Variants in SPATA22 observed in about 807,000 individuals in gnomAD.
The protein encoded by SPATA22 is spermatogenesis-associated protein 22.
A neutral mutation model predicts 47.8 loss-of-function variants in SPATA22; 29 were observed. The ratio of observed to expected loss-of-function variants is 0.61; its 90% CI spans 0.45 to 0.83. The LOEUF is 0.83. Among genes scored for constraint, SPATA22 ranks in the 40% least tolerant of loss-of-function variants. The pLI is 0.00. For synonymous variants in SPATA22, 133 were observed against 140.9 expected, an observed-to-expected ratio of 0.94 and a Z score of 0.40; for missense variants, 410 against 421.7, an observed-to-expected ratio of 0.97 and a Z score of 0.24.
At chr17:3,462,841 T>A in intron 3 of SPATA22, 74 bp from the exon 4 acceptor site, 1 of 1,196,642 alleles carries the variant, frequency 8.4e-7, no homozygotes, top group Non-Finnish European at 1.2e-6. Context: ...CATACTTATT[T>A]AATTTGGAGG....
chr17:3,456,456 G>C (rs1170562597), intron 5 of SPATA22, among the ~76,000 whole-genome samples: 1 of 145,692 alleles, frequency 6.9e-6, no homozygotes, highest in Non-Finnish European at 1.5e-5. Context: ...AGAAGAAATG[G>C]ATAAATTCCT....
chr17:3,450,315 T>G (rs1252127920), intron 5 of SPATA22, among the ~76,000 whole-genome samples: 1 of 152,206 alleles, frequency 6.6e-6, no homozygotes, highest in Non-Finnish European at 1.5e-5. Context: ...GAAGCTTGTA[T>G]AATTTGGGGA....
chr17:3,504,930 G>A (rs2074027706), intron 1 of SPATA22, among the ~76,000 whole-genome samples: 2 of 152,284 alleles, frequency 1.3e-5, no homozygotes, highest in Admixed American at 6.5e-5. Context: ...CCCTTGTTAT[G>A]AGATCTCAAA....
chr17:3,480,855 GT>G (rs2150745985), intron 1 of SPATA22, among the ~76,000 whole-genome samples: 1 of 152,312 alleles, frequency 6.6e-6, no homozygotes, highest in African/African-American at 2.4e-5. Context: ...ATGGAGTCAG[GT>G]TAGATCTCTT....
At chr17:3,507,475 T>A (rs368842103) in intron 1 of SPATA22, among the ~76,000 whole-genome samples, 2 of 152,238 alleles carry the variant, frequency 1.3e-5, no homozygotes, top group African/African-American at 4.8e-5. Flanking sequence ...TCTTCACACA[T>A]AGTAAGTGAG....
At chr17:3,489,386 C>T in intron 1 of SPATA22, 3 of 1,464,730 alleles carry the variant, frequency 2.0e-6, no homozygotes, top group African/African-American at 1.4e-5. Context: ...AACCACCAAA[C>T]ATTTAAATAA....
intron 1 of SPATA22, chr17:3,498,741 C>A: frequency 1.4e-6 from 1 of 702,118 alleles, no homozygotes; most frequent in Non-Finnish European, 2.2e-6. Context: ...TCAGCGCAGT[C>A]AGATCACTTG....
intron 1 of SPATA22, among the ~76,000 whole-genome samples, chr17:3,503,981 C>T (rs1420998362): frequency 6.6e-6 from 1 of 152,018 alleles, no homozygotes; most frequent in African/African-American, 2.4e-5. Flanking sequence ...CCTCCCTCCC[C>T]GACGCCTCCC....
At chr17:3,458,032 A>T (rs2073035903) in intron 5 of SPATA22, among the ~76,000 whole-genome samples, 1 of 152,212 alleles carries the variant, frequency 6.6e-6, no homozygotes, top group Non-Finnish European at 1.5e-5. Context: ...ACAGAGTGAA[A>T]AGGCAATCTA....
chr17:3,482,183 A>T (rs2073642729), intron 1 of SPATA22, among the ~76,000 whole-genome samples: 1 of 152,318 alleles, frequency 6.6e-6, no homozygotes, highest in African/African-American at 2.4e-5. Flanking sequence ...TAAAATTAAT[A>T]TTAAAACTTT....
At chr17:3,466,867 C>G (rs2073325864) in intron 3 of SPATA22, among the ~76,000 whole-genome samples, 1 of 152,168 alleles carries the variant, frequency 6.6e-6, no homozygotes, top group African/African-American at 2.4e-5. Context: ...CATCTTAATA[C>G]TATCACACCA....
chr17:3,490,540 C>CT lies in SPATA22; in HGVS notation c.-73-21143_-73-21142insA, dbSNP rs141407682. Among the ~76,000 whole-genome samples, 118 of 152,006 alleles carry CT rather than the reference C, an allele frequency of 7.8e-4. No homozygotes were observed. The highest frequency in any genetic ancestry group is 1.5e-3 in the Non-Finnish European group (104 of 68,020). On this transcript the variant is annotated intron_variant, in intron 1 of 8. Coordinates refer to the SPATA22 transcript ENST00000541913. This position sits in a 1 kb window ranked among gnomAD's most constrained non-coding sequence, Gnocchi z 4.6. ...GTGAATTCCTCAACCTCAGATCGTGCGCACCCCACTGCAATCACAGACATT... is the reference window on the plus strand; with the variant it reads ...GTGAATTCCTCAACCTCAGATCGTGCTGCACCCCACTGCAATCACAGACATT...
At chr17:3,497,557 CCTCCT>C (rs1329301371) in intron 1 of SPATA22, among the ~76,000 whole-genome samples, 1 of 152,034 alleles carries the variant, frequency 6.6e-6, no homozygotes, top group African/African-American at 2.4e-5. Flanking sequence ...ATGCCTAGGC[CCTCCT>C]CTCAGATTCT....
intron 8 of SPATA22, chr17:3,441,837 T>TAA (rs2072604875): frequency 1.5e-4 from 5 of 34,260 alleles, no homozygotes; most frequent in African/African-American, 4.8e-4. Flanking sequence ...GAGCTACAGC[T>TAA]ACACACAACA....
In SPATA22 at chr17:3,490,507, T is replaced by C. The variant is rs1476597452; in HGVS notation, c.-73-21109A>G. Among the ~76,000 whole-genome samples, 1 of 151,702 alleles carries C rather than the reference T, an allele frequency of 6.6e-6. No homozygotes were observed. Among genetic ancestry groups the C allele is most frequent in the East Asian group, 1.9e-4 (1 of 5,206 alleles). Reference sequence around the variant, plus strand: ...CAGAGGGGGTGTGTACTTCGGTGTCTGTGGGGAGTGAATTCCTCAACCTCA... The same window carrying C: ...CAGAGGGGGTGTGTACTTCGGTGTCCGTGGGGAGTGAATTCCTCAACCTCA... On this transcript the variant is annotated intron_variant, in intron 1 of 8. Coordinates refer to the SPATA22 transcript ENST00000541913. This position sits in a 1 kb window ranked among gnomAD's most constrained non-coding sequence, Gnocchi z 4.6.
chr17:3,486,614 G>A (rs558043986), intron 1 of SPATA22, among the ~76,000 whole-genome samples: 1 of 152,032 alleles, frequency 6.6e-6, no homozygotes, highest in Non-Finnish European at 1.5e-5. Flanking sequence ...TTTCTTGAGC[G>A]CCTCATTAGC....
chr17:3,467,178 A>C (rs1398619049), intron 3 of SPATA22, among the ~76,000 whole-genome samples: 1 of 152,184 alleles, frequency 6.6e-6, no homozygotes, highest in African/African-American at 2.4e-5. Context: ...TTTACAATAT[A>C]TGTTACTACT....
At chr17:3,443,905 C>G (rs913508992) in intron 7 of SPATA22, among the ~76,000 whole-genome samples, 9 of 151,882 alleles carry the variant, frequency 5.9e-5, no homozygotes, top group Non-Finnish European at 1.3e-4. Context: ...ACAATCTACT[C>G]TTACCAAAAT....
chr17:3,471,370 T>G, intron 1 of SPATA22: 1 of 953,748 alleles, frequency 1.0e-6, no homozygotes, highest in Non-Finnish European at 1.2e-6. Flanking sequence ...ACAACAAAAT[T>G]TTTAAGTGTA....
Sources: gnomAD v4.1 joint callset for allele counts (sites outside exome capture counted in the v4.1 genomes callset) on GRCh38, gnomAD v4.1.1 for gene constraint, Gnocchi (gnomAD v3.1) non-coding constraint, MANE v1.5 for transcripts, NCBI Gene and HGNC (gene_info 2026-07-23, HGNC 2026-07-21) for gene names.